Variants in SUGCT observed in about 807,000 individuals in gnomAD.
SUGCT encodes the protein succinyl-CoA:glutarate CoA-transferase.
SUGCT carries 41 observed loss-of-function variants against 55.0 expected under a neutral mutation model. That is an observed-to-expected ratio of 0.74 (90% CI 0.58 to 0.97). SUGCT has a LOEUF of 0.97. SUGCT is among the 50% of genes least tolerant of loss of function. SUGCT has a pLI of 0.00. For synonymous variants in SUGCT, 187 were observed against 200.4 expected, an observed-to-expected ratio of 0.93 and a Z score of 0.56; for missense variants, 568 against 547.8, an observed-to-expected ratio of 1.04 and a Z score of -0.37.
chr7:40,810,825 A>T (rs1296057620), intron 13 of SUGCT, among the ~76,000 whole-genome samples: 2 of 152,118 alleles, frequency 1.3e-5, no homozygotes, highest in African/African-American at 4.8e-5. Context: ...ACTTAATTAT[A>T]AATTATTTCC....
At chr7:40,450,432 C>T (rs1196678743) in intron 10 of SUGCT, among the ~76,000 whole-genome samples, 5 of 146,492 alleles carry the variant, frequency 3.4e-5, no homozygotes, top group Non-Finnish European at 6.0e-5. Flanking sequence ...TTTTGAGAGA[C>T]AATCAGCTTT....
chr7:40,424,977 T>C (rs1787510816), intron 9 of SUGCT, among the ~76,000 whole-genome samples: 1 of 152,086 alleles, frequency 6.6e-6, no homozygotes, highest in Non-Finnish European at 1.5e-5. Context: ...ATAGAGTGGG[T>C]ACGTAAGGAC....
At chr7:40,176,798 C>A (rs1226029827) in intron 1 of SUGCT, among the ~76,000 whole-genome samples, 1 of 151,844 alleles carries the variant, frequency 6.6e-6, no homozygotes, top group East Asian at 1.9e-4. Flanking sequence ...CATGGCGAAA[C>A]CCCGTCTCTA....
chr7:40,248,299 C>A (rs1244892863), intron 7 of SUGCT, among the ~76,000 whole-genome samples: 5 of 152,186 alleles, frequency 3.3e-5, no homozygotes, highest in African/African-American at 9.7e-5. Context: ...GCATGAGCCA[C>A]CACGCCCGGC....
chr7:40,498,258 A>G (rs1218787198), intron 12 of SUGCT, among the ~76,000 whole-genome samples: 1 of 152,154 alleles, frequency 6.6e-6, no homozygotes, highest in East Asian at 1.9e-4. Context: ...GATGACATCT[A>G]ACTGTGATGA....
At chr7:40,496,108 C>T (rs1791956526) in intron 11 of SUGCT, among the ~76,000 whole-genome samples, 176 bp from the exon 12 acceptor site, 2 of 152,278 alleles carry the variant, frequency 1.3e-5, no homozygotes, top group African/African-American at 4.8e-5. Context: ...CTCTTATCCA[C>T]CACAGGGCCA....
At chr7:40,543,899 C>T (rs1794840187) in intron 12 of SUGCT, among the ~76,000 whole-genome samples, 1 of 152,154 alleles carries the variant, frequency 6.6e-6, no homozygotes. Context: ...TTCCAAACTT[C>T]CATCACTGCC....
At chr7:40,281,646 G>A (rs938687250) in intron 8 of SUGCT, among the ~76,000 whole-genome samples, 2 of 152,114 alleles carry the variant, frequency 1.3e-5, no homozygotes, top group African/African-American at 4.8e-5. Context: ...AGTCTCAGGT[G>A]AAAAACACAA....
At chr7:40,326,799 A>G (rs1309273049) in intron 9 of SUGCT, among the ~76,000 whole-genome samples, 1 of 152,214 alleles carries the variant, frequency 6.6e-6, no homozygotes, top group Non-Finnish European at 1.5e-5. Context: ...GATTTTCAGG[A>G]GTAATCTCTG....
intron 1 of SUGCT, chr7:40,153,397 G>A (rs1192005127): frequency 1.4e-5 from 5 of 368,230 alleles, no homozygotes; most frequent in Non-Finnish European, 2.7e-5. Context: ...TAAGTGGAAG[G>A]CCGACATGAC....
intron 7 of SUGCT, among the ~76,000 whole-genome samples, chr7:40,255,486 A>G (rs985307243): frequency 6.6e-6 from 1 of 151,166 alleles, no homozygotes; most frequent in Non-Finnish European, 1.5e-5. Flanking sequence ...ACATGAGGAA[A>G]CCTCGGCTCT....
intron 9 of SUGCT, among the ~76,000 whole-genome samples, chr7:40,326,283 A>C (rs1001106623): frequency 5.3e-5 from 8 of 152,066 alleles, no homozygotes; most frequent in Non-Finnish European, 1.0e-4. Flanking sequence ...TGGAGAATTA[A>C]AAGAGATCAT....
At chr7:40,654,799 T>C (rs1800938979) in intron 12 of SUGCT, among the ~76,000 whole-genome samples, 1 of 152,208 alleles carries the variant, frequency 6.6e-6, no homozygotes, top group Admixed American at 6.5e-5. Context: ...GATGTCACTG[T>C]GATCTCTTTG....
At position 40,349,676 on chromosome 7, in the gene SUGCT, A is replaced by C. The variant is rs1797510637; in HGVS notation, c.816+32821A>C. On this transcript the variant is annotated intron_variant, in intron 9 of 13. Transcript: ENST00000335693. ...CTCATTCCTCTAAGAAGTTCTTCTT[A>C]TATGGTTTTTTTTGGAGGCAGGGTT... 2.0e-5 allele frequency among the ~76,000 whole-genome samples: 3 copies of C among 148,698 alleles called. No individual in the cohort carries two copies. In the South Asian group the frequency reaches 6.4e-4, roughly 32 times the overall value.
At chr7:40,665,893 C>T (rs1801602535) in intron 12 of SUGCT, among the ~76,000 whole-genome samples, 1 of 151,818 alleles carries the variant, frequency 6.6e-6, no homozygotes. Context: ...GTTGATAATT[C>T]AGATAATGAG....
intron 12 of SUGCT, among the ~76,000 whole-genome samples, chr7:40,531,218 A>G (rs1308568215): frequency 6.6e-6 from 1 of 152,210 alleles, no homozygotes; most frequent in African/African-American, 2.4e-5. Context: ...TAAAGGCTGA[A>G]AAGTAGGATT....
chr7:40,153,623 A>T, intron 1 of SUGCT: 2 of 522,748 alleles, frequency 3.8e-6, no homozygotes, highest in South Asian at 2.8e-5. Flanking sequence ...CTTATGTTAT[A>T]ATAGTCGATC....
intron 9 of SUGCT, among the ~76,000 whole-genome samples, chr7:40,371,347 T>C (rs1421199915): frequency 6.6e-6 from 1 of 152,156 alleles, no homozygotes; most frequent in Non-Finnish European, 1.5e-5. Flanking sequence ...TTTGTCATTT[T>C]TATTTCTCCT....
At chr7:40,937,685 G>A in the SUGCT span, among the ~76,000 whole-genome samples, 3 of 151,894 alleles carry the variant, frequency 2.0e-5, no homozygotes, top group Non-Finnish European at 4.4e-5. Flanking sequence ...TTGTCTGAAC[G>A]TCTATTTTGC....
Sources: gnomAD v4.1 joint callset for allele counts (sites outside exome capture counted in the v4.1 genomes callset) on GRCh38, gnomAD v4.1.1 for gene constraint, MANE v1.5 for transcripts, NCBI Gene and HGNC (gene_info 2026-07-23, HGNC 2026-07-21) for gene names.